DCLK2: variants seen among roughly 807,000 people sequenced by gnomAD.
DCLK2 encodes doublecortin like kinase 2.
A neutral mutation model predicts 78.4 loss-of-function variants in DCLK2; 31 were observed. The ratio of observed to expected loss-of-function variants is 0.40; its 90% CI spans 0.30 to 0.53. The LOEUF is 0.53. Among genes scored for constraint, DCLK2 ranks in the 20% least tolerant of loss-of-function variants. DCLK2 has a pLI of 0.61. For synonymous variants in DCLK2, 407 were observed against 374.9 expected (o/e 1.09, Z -0.99); for missense variants, 872 against 973.7 (o/e 0.90, Z 1.39).
intron 5 of DCLK2, among the ~76,000 whole-genome samples, chr4:150,210,948 C>CAAAAAAAAAAA (rs1406606300): frequency 1.2e-5 from 1 of 80,398 alleles, no homozygotes. Flanking sequence ...GACTCTGTCT[C>CAAAAAAAAAAA]AAAAAAAAAA....
intron 12 of DCLK2, among the ~76,000 whole-genome samples, chr4:150,241,945 G>A (rs1227277619): frequency 6.6e-6 from 1 of 152,192 alleles, no homozygotes; most frequent in African/African-American, 2.4e-5. Flanking sequence ...TGTGAATTTT[G>A]GGGAGACATG....
intron 2 of DCLK2, among the ~76,000 whole-genome samples, chr4:150,164,296 T>C (rs1580627958): frequency 6.6e-6 from 1 of 152,224 alleles, no homozygotes; most frequent in Admixed American, 6.5e-5. Context: ...TGGTCTGGGT[T>C]GGGCCTGTGG....
intron 1 of DCLK2, among the ~76,000 whole-genome samples, chr4:150,093,815 A>G (rs1730268815): frequency 6.6e-6 from 1 of 152,256 alleles, no homozygotes; most frequent in Non-Finnish European, 1.5e-5. Context: ...AAAATATATT[A>G]CAAAGACACA....
chr4:150,231,991 C>T (rs1055400220), intron 8 of DCLK2, among the ~76,000 whole-genome samples: 6 of 152,170 alleles, frequency 3.9e-5, no homozygotes, highest in African/African-American at 1.4e-4. Flanking sequence ...GGCTGAATTA[C>T]AAAGCACAGA....
intron 4 of DCLK2, among the ~76,000 whole-genome samples, chr4:150,198,751 CA>C (rs1348148452): frequency 6.6e-6 from 1 of 152,088 alleles, no homozygotes; most frequent in Admixed American, 6.6e-5. Context: ...CTGTTAATAT[CA>C]TTTCCTCTGA....
At chr4:150,138,534 A>G (rs997263679) in intron 2 of DCLK2, among the ~76,000 whole-genome samples, 4 of 152,202 alleles carry the variant, frequency 2.6e-5, no homozygotes, top group South Asian at 2.1e-4. Flanking sequence ...CCAACTTCAC[A>G]TTATTGTGGC....
In DCLK2 at chr4:150,247,670, T is replaced by G; in HGVS notation, c.1846T>G (p.Tyr616Asp). 6.2e-7 allele frequency: 1 copy of G among 1,614,094 alleles called. No homozygotes were observed. Among genetic ancestry groups the G allele is most frequent in the Non-Finnish European group, 8.5e-7 (1 of 1,180,008 alleles). Residue 616 changes from tyrosine (Y) to aspartate (D), a missense_variant, in exon 13 of 16, where the codon TAC (tyrosine) becomes GAC (aspartate). Physicochemically the swap from Tyr to Asp is radical, Grantham distance 160. This residue lies in a region of DCLK2 where 219 missense variants were observed against 230.1 expected (regional missense o/e 0.95). Coordinates refer to ENST00000296550, the MANE Select transcript of DCLK2 (RefSeq NM_001040260.4). ...LAGKLEFPAP[Y>D]WDNITDSAKE... ...TGGGAAGCTGGAGTTTCCGGCCCCC[T>G]ACTGGGATAACATCACGGACTCTGC...
intron 1 of DCLK2, among the ~76,000 whole-genome samples, chr4:150,095,145 C>A (rs1244683619): frequency 6.6e-6 from 1 of 152,140 alleles, no homozygotes; most frequent in East Asian, 1.9e-4. Context: ...TCATAAAACA[C>A]ACGCAGCCAG....
intron 15 of DCLK2, among the ~76,000 whole-genome samples, 172 bp from the exon 16 acceptor site, chr4:150,255,848 G>A (rs969290714): frequency 1.2e-4 from 19 of 152,174 alleles, no homozygotes; most frequent in African/African-American, 2.9e-4. Context: ...CCCTTCCCCC[G>A]GTGGGTTCCC....
intron 2 of DCLK2, among the ~76,000 whole-genome samples, chr4:150,183,642 T>C (rs1191759824): frequency 6.6e-6 from 1 of 152,128 alleles, no homozygotes; most frequent in Non-Finnish European, 1.5e-5. Flanking sequence ...AATGAGTTGA[T>C]AGGAATCCAT....
At chr4:150,185,530 A>G (rs1737863717) in intron 2 of DCLK2, among the ~76,000 whole-genome samples, 1 of 151,982 alleles carries the variant, frequency 6.6e-6, no homozygotes, top group Non-Finnish European at 1.5e-5. Flanking sequence ...CCTGACCAAC[A>G]TGGCAAAACC....
intron 2 of DCLK2, among the ~76,000 whole-genome samples, chr4:150,119,094 T>C (rs1732334863): frequency 6.6e-6 from 1 of 151,832 alleles, no homozygotes; most frequent in Non-Finnish European, 1.5e-5. Flanking sequence ...TTACATACAT[T>C]TGTGCACATA....
Position 150,239,888 on chromosome 4 carries a change from G to A in DCLK2, c.1700+13G>A, listed in dbSNP as rs201845729. The A allele has an allele frequency of 9.9e-5, 159 of 1,612,784 alleles. 1 individual carries two copies. Among genetic ancestry groups the A allele is most frequent in the Admixed American group, 1.7e-5 (1 of 59,846 alleles). On this transcript the variant is annotated intron_variant, in intron 11 of 15. Coordinates refer to ENST00000296550, the MANE Select transcript of DCLK2 (RefSeq NM_001040260.4). ...TTGCTGAAACTGGGTAAGACTTCTGGTGGCCCTGGTTAGTACTTTAACTTT... is the reference window on the plus strand; with the variant it reads ...TTGCTGAAACTGGGTAAGACTTCTGATGGCCCTGGTTAGTACTTTAACTTT...
At chr4:150,186,255 G>A (rs1009202758) in intron 2 of DCLK2, among the ~76,000 whole-genome samples, 4 of 151,688 alleles carry the variant, frequency 2.6e-5, no homozygotes, top group African/African-American at 9.7e-5. Context: ...CGGATTTAGC[G>A]ACCTGGTCCA....
chr4:150,226,491 G>A (rs1563790), intron 8 of DCLK2, among the ~76,000 whole-genome samples: 133,260 of 151,850 alleles, frequency 0.88, 58,873 homozygotes, highest in Middle Eastern at 0.96. Context: ...GCCAGGTTCT[G>A]TAGAACTACA....
intron 2 of DCLK2, among the ~76,000 whole-genome samples, chr4:150,127,585 T>C (rs1416162660): frequency 6.6e-6 from 1 of 152,200 alleles, no homozygotes; most frequent in Non-Finnish European, 1.5e-5. Flanking sequence ...GGAACCTTGT[T>C]AGGTTCATGA....
chr4:150,215,157 T>C (rs1293527490), intron 5 of DCLK2, among the ~76,000 whole-genome samples: 1 of 152,180 alleles, frequency 6.6e-6, no homozygotes. Context: ...ACCATGTTTT[T>C]ATTCTGCTCT....
At chr4:150,253,965 A>T in intron 15 of DCLK2, 1 of 944,596 alleles carries the variant, frequency 1.1e-6, no homozygotes, top group Non-Finnish European at 1.3e-6. Context: ...CCTTTGGGAT[A>T]AGAGAAGATA....
chr4:150,209,449 C>T (rs1365548918), intron 5 of DCLK2, among the ~76,000 whole-genome samples: 3 of 152,210 alleles, frequency 2.0e-5, no homozygotes, highest in Admixed American at 1.3e-4. Flanking sequence ...CAGATCTCCT[C>T]GAGACTCTGG....
Sources: allele counts gnomAD v4.1 joint callset (sites outside exome capture counted in the v4.1 genomes callset), GRCh38; gene constraint gnomAD v4.1.1; regional missense constraint gnomAD v4.1.1; transcripts MANE v1.5; gene names NCBI Gene and HGNC (gene_info 2026-07-23, HGNC 2026-07-21).